The following ZNF518B variants were observed in gnomAD, a reference collection of about 807,000 sequenced individuals.
ZNF518B encodes zinc finger protein 518B.
A neutral mutation model predicts 56.3 loss-of-function variants in ZNF518B; 23 were observed. That is an observed-to-expected ratio of 0.41 (90% CI 0.29 to 0.58). The LOEUF is 0.58. ZNF518B is among the 20% of genes least tolerant of loss of function. The probability of loss-of-function intolerance (pLI) is 0.32; values close to 1 mark genes in which losing one functional copy is unlikely to be tolerated. For synonymous variants in ZNF518B, 529 were observed against 465.9 expected, an observed-to-expected ratio of 1.14 and a Z score of -1.74; for missense variants, 1,460 against 1,272.1, an observed-to-expected ratio of 1.15 and a Z score of -2.25.
intron 2 of ZNF518B, among the ~76,000 whole-genome samples, chr4:10,449,551 T>C (rs1284323195): frequency 1.3e-5 from 2 of 152,360 alleles, no homozygotes; most frequent in Admixed American, 6.5e-5. Context: ...TAAATTTCCT[T>C]GTTCTGCCTT....
Position 10,454,959 on chromosome 4 carries a change from G to A in ZNF518B, c.-366C>T, listed in dbSNP as rs929675837. 13 of 152,184 alleles carry A rather than the reference G, an allele frequency of 8.5e-5. No individual in the cohort carries two copies. The highest frequency in any genetic ancestry group is 3.1e-4 in the African/African-American group (13 of 41,416). The allele number at this position is 152,184 out of a possible 1,614,324, so 9.4% of individuals were successfully genotyped here. A position where few individuals can be genotyped will look rare whatever the true frequency, so the allele number is the denominator to read the frequency against. On this transcript the variant is annotated 5_prime_UTR_variant, in exon 2 of 3. Transcript: ENST00000326756. ...GTGTAGGCTTCTACATCAGAACCCTGGGCGTCAGCAAGGCGCTGCACAAAG... is the reference window on the plus strand; with the variant it reads ...GTGTAGGCTTCTACATCAGAACCCTAGGCGTCAGCAAGGCGCTGCACAAAG...
In ZNF518B at chr4:10,444,748, T is replaced by C. The variant is rs1353569996; in HGVS notation, c.1581A>G (p.Leu527=). The C allele has an allele frequency of 1.2e-6, 2 of 1,613,928 alleles. No homozygotes were observed. The highest frequency in any genetic ancestry group is 1.7e-6 in the Non-Finnish European group (2 of 1,179,894). ...GRNLHSSSQQ[L]LPFAASPATC... ...TTGCAGGTGATGCAGCAAATGGGAG[T>C]AACTGCTGTGAGCTACTGTGTAAAT... is the stretch of plus-strand genomic sequence containing the variant. The change falls in exon 3 of 3, where the codon TTA becomes TTG. Residue 527 remains leucine (L), a synonymous_variant. Transcript: ENST00000326756.
chr4:10,450,279 T>A (rs933695327), intron 2 of ZNF518B, among the ~76,000 whole-genome samples: 5 of 152,196 alleles, frequency 3.3e-5, no homozygotes, highest in African/African-American at 1.2e-4. Flanking sequence ...TGTCACCTGT[T>A]TGAAAGTATC....
chr4:10,448,619 C>T (rs1715170472), intron 2 of ZNF518B, among the ~76,000 whole-genome samples: 1 of 151,922 alleles, frequency 6.6e-6, no homozygotes, highest in South Asian at 2.1e-4. Context: ...GCATACAACA[C>T]TTAGACATCA....
At position 10,445,153 on chromosome 4, in the gene ZNF518B, A is replaced by G. The variant is rs1714932232; in HGVS notation, c.1176T>C (p.Asn392=). 5.0e-6 allele frequency: 8 copies of G among 1,614,018 alleles called. No homozygotes were observed. The highest frequency in any genetic ancestry group is 6.8e-6 in the Non-Finnish European group (8 of 1,180,010). The change falls in exon 3 of 3, where the codon AAT becomes AAC. Residue 392 remains asparagine, a synonymous_variant. Transcript: ENST00000326756. ...CTGCAGAAAGTACTTTTTCTTGTTC[A>G]TTTGAACCCTTCTCTTTCACCATAC... The part of the protein sequence containing the change: ...SERMVKEKGS[N]EQEKVLSAEK...
Position 10,444,973 on chromosome 4 carries a change from T to C in ZNF518B, c.1356A>G (p.Lys452=). The C allele has an allele frequency of 6.2e-7, 1 of 1,612,914 alleles. No individual in the cohort carries two copies. Among genetic ancestry groups the C allele is most frequent in the South Asian group, 1.1e-5 (1 of 90,864 alleles). Reference sequence around the variant, plus strand: ...CAATTGTTTCCGAATTAATGAAGGATTTTCCATTGTTGTGCACACTAGAAT... The same window carrying C: ...CAATTGTTTCCGAATTAATGAAGGACTTTCCATTGTTGTGCACACTAGAAT... ...MPNSSVHNNG[K]SFINSETIED... Residue 452 remains lysine (K), a synonymous_variant, in exon 3 of 3, where the codon AAA becomes AAG. Coordinates refer to ENST00000326756, the MANE Select transcript of ZNF518B (RefSeq NM_053042.3).
In ZNF518B at chr4:10,443,100, T is replaced by A; in HGVS notation, c.*4A>T. On this transcript the variant is annotated 3_prime_UTR_variant, in exon 3 of 3. Coordinates refer to ENST00000326756, the MANE Select transcript of ZNF518B (RefSeq NM_053042.3). Reference sequence around the variant, plus strand: ...ATAACTTGCTTTAAAGAGTAACTGTTTACTTATTTGCCCTTGGAGGAAAGA... The same window carrying A: ...ATAACTTGCTTTAAAGAGTAACTGTATACTTATTTGCCCTTGGAGGAAAGA... The A allele has an allele frequency of 2.5e-6, 4 of 1,607,356 alleles. No homozygotes were observed. Among genetic ancestry groups the A allele is most frequent in the Non-Finnish European group, 3.4e-6 (4 of 1,177,006 alleles).
At position 10,445,831 on chromosome 4, in the gene ZNF518B, G is replaced by A. The variant is rs1292929649; in HGVS notation, c.498C>T (p.His166=). The A allele has an allele frequency of 6.2e-7, 1 of 1,614,242 alleles. No individual in the cohort carries two copies. Among genetic ancestry groups the A allele is most frequent in the Admixed American group, 1.7e-5 (1 of 60,030 alleles). Residue 166 remains histidine, a synonymous_variant, in exon 3 of 3, where the codon CAC becomes CAT. Transcript: ENST00000326756. ...QHEEIKFICS[H]CSYISYTKGE... ...CTTTCGTATACGAAATGTAGCTGCA[G>A]TGAGAACAAATGAATTTAATCTCCT... is the stretch of plus-strand genomic sequence containing the variant.
upstream of ZNF518B, among the ~76,000 whole-genome samples, chr4:10,457,612 G>C (rs375852519): frequency 1.3e-5 from 2 of 152,370 alleles, no homozygotes; most frequent in Admixed American, 6.5e-5. Context: ...ACCGTAGCGA[G>C]CGAGGTCCAC....
intron 2 of ZNF518B, among the ~76,000 whole-genome samples, chr4:10,450,059 C>G (rs1715239234): frequency 6.6e-6 from 1 of 152,182 alleles, no homozygotes; most frequent in South Asian, 2.1e-4. Flanking sequence ...TGGAGAGCAT[C>G]CCAGCCAAGG....
At position 10,445,429 on chromosome 4, in the gene ZNF518B, T is replaced by C. The variant is rs1274104839; in HGVS notation, c.900A>G (p.Pro300=). The C allele has an allele frequency of 6.2e-7, 1 of 1,614,266 alleles. No homozygotes were observed. Among genetic ancestry groups the C allele is most frequent in the Non-Finnish European group, 8.5e-7 (1 of 1,180,042 alleles). The change falls in exon 3 of 3, where the codon CCA becomes CCG. Residue 300 remains proline (P), a synonymous_variant. Transcript: ENST00000326756. The part of the protein sequence containing the change: ...CIPNKMTLSE[P]NEVNLFENKN... ...TGTTCTCAAATAGGTTGACTTCATTTGGCTCAGACAGGGTCATTTTATTTG... is the reference window on the plus strand; with the variant it reads ...TGTTCTCAAATAGGTTGACTTCATTCGGCTCAGACAGGGTCATTTTATTTG...
In ZNF518B at chr4:10,445,454, G is replaced by C. The variant is rs574142100; in HGVS notation, c.875C>G (p.Pro292Arg). ...KEYQKDVVCIPNKMTLSEPNE... is the reference protein window; with the variant it reads ...KEYQKDVVCIRNKMTLSEPNE... ...TGGCTCAGACAGGGTCATTTTATTT[G>C]GAATACAAACTACATCTTTTTGGTA... Residue 292 changes from proline to arginine, a missense_variant, in exon 3 of 3, where the codon CCA becomes CGA. By Grantham distance (103) the Pro-to-Arg change is moderately radical. Transcript: ENST00000326756. 1 of 1,614,008 alleles carries C rather than the reference G, an allele frequency of 6.2e-7. No homozygotes were observed. Among genetic ancestry groups the C allele is most frequent in the African/African-American group, 1.3e-5 (1 of 74,914 alleles).
chr4:10,446,151 A>T lies in ZNF518B; in HGVS notation c.178T>A (p.Cys60Ser). ...TTGTGAACACTTTTGCACTTTGCAC[A>T]TGTAGCAATGGTCATCATGGCAGCC... Reference protein sequence around the residue: ...AEAAMMTIATCAKCKSVHKIS... With the variant: ...AEAAMMTIATSAKCKSVHKIS... Residue 60 changes from cysteine to serine, a missense_variant, in exon 3 of 3, where the codon TGT (cysteine) becomes AGT (serine). By Grantham distance (112) the Cys-to-Ser change is moderately radical (BLOSUM62 -1). Transcript: ENST00000326756. The T allele has an allele frequency of 6.2e-7, 1 of 1,614,210 alleles. No homozygotes were observed. The highest frequency in any genetic ancestry group is 1.3e-5 in the African/African-American group (1 of 75,048).
chr4:10,448,036 G>C (rs1715147276), intron 2 of ZNF518B, among the ~76,000 whole-genome samples: 1 of 152,126 alleles, frequency 6.6e-6, no homozygotes, highest in Non-Finnish European at 1.5e-5. Context: ...TTCTAGTTTG[G>C]AATCTGCTAA....
At position 10,445,061 on chromosome 4, in the gene ZNF518B, G is replaced by C. The variant is rs756015803; in HGVS notation, c.1268C>G (p.Pro423Arg). The change falls in exon 3 of 3, where the codon CCT (proline) becomes CGT (arginine). Residue 423 changes from proline to arginine, a missense_variant. Physicochemically the swap from Pro to Arg is moderately radical, Grantham distance 103. Transcript: ENST00000326756. Reference protein sequence around the residue: ...GKLVGIDSFQPSVQKQLKNVK... With the variant: ...GKLVGIDSFQRSVQKQLKNVK... ...ATTTTTAAGCTGTTTCTGAACTGAA[G>C]GTTGAAAACTATCAATGCCTACGAG... 2 of 1,614,060 alleles carry C rather than the reference G, an allele frequency of 1.2e-6. No homozygotes were observed. Among genetic ancestry groups the C allele is most frequent in the East Asian group, 2.2e-5 (1 of 44,898 alleles).
chr4:10,442,994 T>C lies in ZNF518B; in HGVS notation c.*110A>G. ...CAATATTCCTACAGTTCTGAAGAAT[T>C]AGCAGTCCTCTCATTTCTACAGTCT... On this transcript the variant is annotated 3_prime_UTR_variant, in exon 3 of 3. Transcript: ENST00000326756. 1 of 952,812 alleles carries C rather than the reference T, an allele frequency of 1.0e-6. No homozygotes were observed. Among genetic ancestry groups the C allele is most frequent in the South Asian group, 1.8e-5 (1 of 56,620 alleles). The allele number at this position is 952,812 out of a possible 1,614,324, so 59.0% of individuals were successfully genotyped here.
chr4:10,452,894 A>G (rs111413536), intron 2 of ZNF518B: 1 of 152,214 alleles, frequency 6.6e-6, no homozygotes, highest in African/African-American at 2.4e-5. Flanking sequence ...TTGGGATCCT[A>G]GATTTCCATC....
chr4:10,452,895 G>A (rs375280504), intron 2 of ZNF518B: 1 of 152,162 alleles, frequency 6.6e-6, no homozygotes, highest in East Asian at 1.9e-4. Flanking sequence ...TGGGATCCTA[G>A]ATTTCCATCT....
intron 2 of ZNF518B, chr4:10,452,028 G>A (rs911336733): frequency 1.3e-5 from 2 of 152,204 alleles, no homozygotes; most frequent in African/African-American, 4.8e-5. Context: ...CTCAGTGTTA[G>A]TTGACTGTGA....
Sources: gnomAD v4.1 joint callset for allele counts (sites outside exome capture counted in the v4.1 genomes callset) on GRCh38, gnomAD v4.1.1 for gene constraint, MANE v1.5 for transcripts, NCBI Gene and HGNC (gene_info 2026-07-23, HGNC 2026-07-21) for gene names.